The following MCM5 variants were observed in gnomAD, a reference collection of about 807,000 sequenced individuals.
MCM5 encodes minichromosome maintenance complex component 5.
In MCM5, 46 loss-of-function variants were observed where a neutral mutation model predicts 79.9. The ratio of observed to expected loss-of-function variants is 0.58; its 90% CI spans 0.45 to 0.74. The LOEUF is 0.74. Among genes scored for constraint, MCM5 ranks in the 30% least tolerant of loss-of-function variants. MCM5 has a pLI of 0.00. For missense variants in MCM5, 883 were observed against 1,017.0 expected (o/e 0.87, Z 1.79); for synonymous variants, 404 against 390.5 (o/e 1.03, Z -0.41).
At chr22:35,405,687 G>A (rs528955634) in intron 4 of MCM5, among the ~76,000 whole-genome samples, 2 of 152,058 alleles carry the variant, frequency 1.3e-5, no homozygotes, top group African/African-American at 2.4e-5. Context: ...CATTTTTAAA[G>A]GCATAGCTAC....
intron 5 of MCM5, among the ~76,000 whole-genome samples, chr22:35,407,348 A>G (rs918203051): frequency 5.9e-5 from 9 of 151,840 alleles, no homozygotes; most frequent in African/African-American, 2.2e-4. Context: ...GAGGCACGCT[A>G]CCTCCTCCCT....
rs1601759683 is a variant in MCM5, at chr22:35,415,966, T to G, written c.1341T>G (p.Phe447Leu). The change falls in exon 10 of 17, where the codon TTT becomes TTG. Residue 447 changes from phenylalanine to leucine, a missense_variant. Physicochemically the swap from Phe to Leu is conservative, Grantham distance 22. Transcript: ENST00000216122. ...ADGGVVCIDE[F>L]DKMREDDRVA... Reference sequence around the variant, plus strand: ...GTGGGGTCGTCTGTATTGACGAGTTTGACAAGGTGAGTCTGATGAGGTGGG... The same window carrying G: ...GTGGGGTCGTCTGTATTGACGAGTTGGACAAGGTGAGTCTGATGAGGTGGG... 1 of 1,612,930 alleles carries G rather than the reference T, an allele frequency of 6.2e-7. No individual in the cohort carries two copies. The highest frequency in any genetic ancestry group is 8.5e-7 in the Non-Finnish European group (1 of 1,179,014).
chr22:35,454,549 A>G, the MCM5 span, among the ~76,000 whole-genome samples: 543 of 152,248 alleles, frequency 3.6e-3, 3 homozygotes, highest in African/African-American at 0.012. Context: ...CAGAAGGTGG[A>G]CACAGTCAGG....
At chr22:35,437,597 C>T in the MCM5 span, among the ~76,000 whole-genome samples, 4 of 152,248 alleles carry the variant, frequency 2.6e-5, no homozygotes, top group South Asian at 8.3e-4. Context: ...TAGGGTGGGT[C>T]GGGCTCCTGA....
At chr22:35,427,045 A>G (rs1289483306), downstream of MCM5, among the ~76,000 whole-genome samples, 1 of 152,218 alleles carries the variant, frequency 6.6e-6, no homozygotes, top group Non-Finnish European at 1.5e-5. Context: ...CCTTAGTCAC[A>G]TATGACTTAA....
chr22:35,435,165 G>A, the MCM5 span, among the ~76,000 whole-genome samples: 3 of 152,240 alleles, frequency 2.0e-5, no homozygotes, highest in Non-Finnish European at 2.9e-5. Context: ...AAACAAAAAG[G>A]AATGAGGAGG....
chr22:35,451,670 T>A, the MCM5 span, among the ~76,000 whole-genome samples: 1 of 152,346 alleles, frequency 6.6e-6, no homozygotes, highest in Non-Finnish European at 1.5e-5. Context: ...CTTTGTTAAC[T>A]CGTCTGTCCT....
downstream of MCM5, chr22:35,425,443 A>T (rs1932770265): frequency 6.6e-6 from 1 of 152,208 alleles, no homozygotes; most frequent in Non-Finnish European, 1.5e-5. Flanking sequence ...CCGCCTGGTC[A>T]TTGTTGAATC....
chr22:35,427,484 G>A (rs1011366810), downstream of MCM5, among the ~76,000 whole-genome samples: 3 of 150,230 alleles, frequency 2.0e-5, no homozygotes, highest in Non-Finnish European at 4.4e-5. Flanking sequence ...ACGTCTGTTT[G>A]GTATTTAACA....
chr22:35,417,621 A>G (rs185402285), intron 12 of MCM5, 123 bp from the exon 13 acceptor site: 114 of 718,976 alleles, frequency 1.6e-4, no homozygotes, highest in Non-Finnish European at 2.5e-4. Flanking sequence ...CTGAGATCTC[A>G]GCACCCTTTC....
intron 2 of MCM5, chr22:35,401,323 T>C (rs140539070): frequency 4.4e-6 from 2 of 456,864 alleles, no homozygotes; most frequent in Admixed American, 2.4e-5. Flanking sequence ...AAGGTGAAGA[T>C]GGCAGTTAGG....
chr22:35,415,774 T>C (rs1322405104), intron 9 of MCM5, 55 bp from the exon 10 acceptor site: 5 of 1,585,986 alleles, frequency 3.2e-6, no homozygotes, highest in East Asian at 4.5e-5. Context: ...TTTTGTCTTA[T>C]GGGGGTCAAA....
At chr22:35,450,845 G>A in the MCM5 span, among the ~76,000 whole-genome samples, 3 of 152,188 alleles carry the variant, frequency 2.0e-5, no homozygotes, top group African/African-American at 7.2e-5. Flanking sequence ...CCAGCACTCT[G>A]TCCGCTCACG....
At chr22:35,453,845 G>GAGAGAGAGAGAGAGAGAGAGAGAT in the MCM5 span, among the ~76,000 whole-genome samples, 1 of 149,706 alleles carries the variant, frequency 6.7e-6, no homozygotes, top group Admixed American at 6.7e-5. Context: ...GAGAGAGAGA[G>GAGAGAGAGAGAGAGAGAGAGAGAT]AGATAGGGAG....
Position 35,415,898 on chromosome 22 carries a change from C to T in MCM5, c.1273C>T (p.Arg425Trp), listed in dbSNP as rs768089056. The change falls in exon 10 of 17, where the codon CGG becomes TGG. Residue 425 changes from arginine (R) to tryptophan (W), a missense_variant. Around this residue, in one of 3 missense-constraint regions of MCM5, gnomAD observed 426 missense variants for 482.3 expected, o/e 0.88. Transcript: ENST00000216122. ...CTCGGTGATGAGGGACCCTTCGTCC[C>T]GGAATTTCATCATGGAGGGCGGAGC... is the stretch of plus-strand genomic sequence containing the variant. ...TASVMRDPSS[R>W]NFIMEGGAMV... The T allele has an allele frequency of 1.7e-4, 276 of 1,614,006 alleles. No individual in the cohort carries two copies. Among genetic ancestry groups the T allele is most frequent in the Non-Finnish European group, 2.1e-4 (250 of 1,180,036 alleles).
chr22:35,429,524 C>T (rs773048922), downstream of MCM5, among the ~76,000 whole-genome samples: 1 of 151,796 alleles, frequency 6.6e-6, no homozygotes, highest in Non-Finnish European at 1.5e-5. Context: ...CCCCTCCTGC[C>T]CTTGTTTTTT....
chr22:35,444,275 A>G, the MCM5 span, among the ~76,000 whole-genome samples: 1 of 148,460 alleles, frequency 6.7e-6, no homozygotes, highest in South Asian at 2.2e-4. Context: ...AGAGGTGGAG[A>G]GAGGGGGGCT....
intron 8 of MCM5, among the ~76,000 whole-genome samples, chr22:35,413,474 C>T (rs1292662298): frequency 1.3e-5 from 2 of 152,152 alleles, no homozygotes; most frequent in Admixed American, 6.5e-5. Context: ...GGGACTTGCT[C>T]CCCAGCACAT....
intron 2 of MCM5, among the ~76,000 whole-genome samples, chr22:35,402,239 A>G (rs1932076428): frequency 6.6e-6 from 1 of 152,018 alleles, no homozygotes; most frequent in African/African-American, 2.4e-5. Flanking sequence ...CCCAGGCTCT[A>G]TTTAAAAAAA....
Sources: allele counts gnomAD v4.1 joint callset (sites outside exome capture counted in the v4.1 genomes callset), GRCh38; gene constraint gnomAD v4.1.1; regional missense constraint gnomAD v4.1.1; transcripts MANE v1.5; gene names NCBI Gene and HGNC (gene_info 2026-07-23, HGNC 2026-07-21).